Variants in STOX1 observed in about 807,000 individuals in gnomAD.
STOX1 encodes the protein storkhead-box protein 1.
Under a neutral mutation model 74.8 loss-of-function variants are expected in STOX1, and 57 were observed. The observed-to-expected ratio is 0.76, with a 90% CI of 0.62 to 0.95. The LOEUF is 0.95. Among genes scored for constraint, STOX1 ranks in the 40% least tolerant of loss-of-function variants. STOX1 has a pLI of 0.00. For missense variants in STOX1, 1,010 were observed against 1,117.0 expected, an observed-to-expected ratio of 0.90 and a Z score of 1.37; for synonymous variants, 375 against 401.3, an observed-to-expected ratio of 0.93 and a Z score of 0.78.
At chr10:68,888,884 C>T (rs1841033206) in intron 3 of STOX1, among the ~76,000 whole-genome samples, 1 of 127,020 alleles carries the variant, frequency 7.9e-6, no homozygotes, top group Admixed American at 9.7e-5. Context: ...TCTCAAACTC[C>T]TGGGCTCAAG....
intron 1 of STOX1, among the ~76,000 whole-genome samples, chr10:68,838,792 C>A (rs1839621665): frequency 6.6e-6 from 1 of 152,010 alleles, no homozygotes; most frequent in Admixed American, 6.6e-5. Context: ...CACCTGTAGT[C>A]CTAGCTACTC....
At chr10:68,871,838 T>C (rs1840542651) in intron 1 of STOX1, among the ~76,000 whole-genome samples, 2 of 152,222 alleles carry the variant, frequency 1.3e-5, no homozygotes, top group Admixed American at 1.3e-4. Context: ...ATCAAAGATT[T>C]GCACAGCATC....
chr10:68,892,654 T>C lies in STOX1; in HGVS notation c.2888T>C (p.Leu963Pro). ...GGACTAAAAAGAAGACAGAATTTTC[T>C]GCAAAATGTCGAAGGCACAAAGAGC... ...LDGLKRRQNF[L>P]QNVEGTKSSQ... Residue 963 changes from leucine (L) to proline (P), a missense_variant, in exon 4 of 4, where the codon CTG becomes CCG. By Grantham distance (98) the Leu-to-Pro change is moderately conservative (BLOSUM62 -3). Coordinates refer to ENST00000298596, the MANE Select transcript of STOX1 (RefSeq NM_152709.5). 1 of 1,613,868 alleles carries C rather than the reference T, an allele frequency of 6.2e-7. No homozygotes were observed. The highest frequency in any genetic ancestry group is 8.5e-7 in the Non-Finnish European group (1 of 1,179,840).
intron 1 of STOX1, among the ~76,000 whole-genome samples, chr10:68,836,881 C>T (rs1255674125): frequency 6.6e-6 from 1 of 152,212 alleles, no homozygotes; most frequent in Non-Finnish European, 1.5e-5. Context: ...AAGATATTTT[C>T]CACAAACAGG....
intron 1 of STOX1, among the ~76,000 whole-genome samples, chr10:68,841,531 T>C (rs1356677084): frequency 1.3e-5 from 2 of 152,204 alleles, no homozygotes; most frequent in Non-Finnish European, 2.9e-5. Context: ...TATTTTTTCT[T>C]GGAAACAAAT....
intron 1 of STOX1, among the ~76,000 whole-genome samples, chr10:68,849,242 T>G (rs2133531541): frequency 6.6e-6 from 1 of 152,146 alleles, no homozygotes; most frequent in East Asian, 1.9e-4. Context: ...AGACCTGGAT[T>G]CCAGTCCTAA....
At chr10:68,866,945 GTTTT>G (rs71474450) in intron 1 of STOX1, among the ~76,000 whole-genome samples, 1 of 124,982 alleles carries the variant, frequency 8.0e-6, no homozygotes, top group Non-Finnish European at 1.7e-5. Context: ...TGCTTTCCTT[GTTTT>G]TTTTTTTTTT....
chr10:68,843,477 A>T (rs968189348), intron 1 of STOX1, among the ~76,000 whole-genome samples: 1 of 152,172 alleles, frequency 6.6e-6, no homozygotes, highest in Admixed American at 6.5e-5. Context: ...TCGTGCCATC[A>T]ATGTATGAGA....
At chr10:68,855,716 A>G (rs926746247) in intron 1 of STOX1, among the ~76,000 whole-genome samples, 1 of 151,696 alleles carries the variant, frequency 6.6e-6, no homozygotes, top group Admixed American at 6.6e-5. Context: ...AAATGGCAGG[A>G]TTATAGGCGT....
intron 1 of STOX1, among the ~76,000 whole-genome samples, chr10:68,861,180 T>C (rs967317027): frequency 6.6e-6 from 1 of 152,126 alleles, no homozygotes; most frequent in Non-Finnish European, 1.5e-5. Flanking sequence ...CAAAGTGGTA[T>C]TGGGGGGCTA....
intron 3 of STOX1, among the ~76,000 whole-genome samples, chr10:68,886,944 A>G (rs1275015110): frequency 6.6e-6 from 1 of 152,066 alleles, no homozygotes; most frequent in Non-Finnish European, 1.5e-5. Flanking sequence ...AAAAAAGAAA[A>G]TGGCTGATTA....
intron 1 of STOX1, among the ~76,000 whole-genome samples, chr10:68,879,647 C>T (rs1159679441): frequency 6.6e-6 from 1 of 152,160 alleles, no homozygotes; most frequent in Non-Finnish European, 1.5e-5. Flanking sequence ...GATCCTACTC[C>T]TTTCTGGTTT....
At chr10:68,876,140 A>G (rs1319758755) in intron 1 of STOX1, among the ~76,000 whole-genome samples, 1 of 135,112 alleles carries the variant, frequency 7.4e-6, no homozygotes, top group Non-Finnish European at 1.5e-5. Context: ...ATATATATAT[A>G]TATATATATA....
intron 1 of STOX1, among the ~76,000 whole-genome samples, chr10:68,858,076 G>A (rs1004776526): frequency 6.6e-6 from 1 of 152,128 alleles, no homozygotes; most frequent in Non-Finnish European, 1.5e-5. Flanking sequence ...CTAGAATGGG[G>A]TTAGGTTGTT....
rs1172483771 is a variant in STOX1, at chr10:68,885,894, G to A, written c.2098G>A (p.Val700Ile). The change falls in exon 3 of 4, where the codon GTC becomes ATC. Residue 700 changes from valine to isoleucine, a missense_variant. Coordinates refer to ENST00000298596, the MANE Select transcript of STOX1 (RefSeq NM_152709.5). ...AGAAGAATTATTGAGAAAAGGATTT[G>A]TCCAGGATGCAGAGACTACAAGCCT... is the stretch of plus-strand genomic sequence containing the variant. ...DSEELLRKGFVQDAETTSLEN... is the reference protein window; with the variant it reads ...DSEELLRKGFIQDAETTSLEN... The A allele has an allele frequency of 6.2e-7, 1 of 1,614,056 alleles. No individual in the cohort carries two copies. The highest frequency in any genetic ancestry group is 1.7e-5 in the Admixed American group (1 of 60,008).
intron 3 of STOX1, among the ~76,000 whole-genome samples, chr10:68,889,791 T>G (rs907875631): frequency 1.3e-5 from 2 of 151,922 alleles, no homozygotes; most frequent in Non-Finnish European, 2.9e-5. Flanking sequence ...CTTGAACTCC[T>G]GCCTCAGGTG....
intron 1 of STOX1, among the ~76,000 whole-genome samples, chr10:68,847,325 A>T (rs1485687580): frequency 6.6e-6 from 1 of 152,180 alleles, no homozygotes; most frequent in Non-Finnish European, 1.5e-5. Context: ...ATCAGCAGAC[A>T]CATGTTATTA....
intron 1 of STOX1, among the ~76,000 whole-genome samples, chr10:68,877,256 C>G (rs144322641): frequency 6.6e-6 from 1 of 152,230 alleles, no homozygotes; most frequent in Non-Finnish European, 1.5e-5. Flanking sequence ...TTTGTTCACT[C>G]TTTTAAAATA....
chr10:68,848,933 G>C (rs955064941), intron 1 of STOX1, among the ~76,000 whole-genome samples: 5 of 152,146 alleles, frequency 3.3e-5, no homozygotes, highest in Non-Finnish European at 5.9e-5. Flanking sequence ...GGCTCCCAAA[G>C]TGCTGGAATT....
Sources: gnomAD v4.1 joint callset for allele counts (sites outside exome capture counted in the v4.1 genomes callset) on GRCh38, gnomAD v4.1.1 for gene constraint, MANE v1.5 for transcripts, NCBI Gene and HGNC (gene_info 2026-07-23, HGNC 2026-07-21) for gene names.